Variants in ZNF292 observed in about 807,000 individuals in gnomAD.
The protein encoded by ZNF292 is zinc finger protein 292, also known as 16 zinc-finger domain protein.
ZNF292 carries 26 observed loss-of-function variants against 217.9 expected under a neutral mutation model. The ratio of observed to expected loss-of-function variants is 0.12; its 90% CI spans 0.09 to 0.17. ZNF292 has a LOEUF of 0.17. ZNF292 is among the 10% of genes least tolerant of loss of function. The pLI, the probability that ZNF292 is intolerant of heterozygous loss-of-function variation, is 1.00. For missense variants in ZNF292, 2,904 were observed against 3,175.2 expected (o/e 0.91, Z 2.05); for synonymous variants, 1,257 against 1,124.1 (o/e 1.12, Z -2.37).
At position 87,257,279 on chromosome 6, in the gene ZNF292, C is replaced by A; in HGVS notation, c.3650C>A (p.Ser1217Tyr). 4 of 1,613,678 alleles carry A rather than the reference C, an allele frequency of 2.5e-6. No individual in the cohort carries two copies. The highest frequency in any genetic ancestry group is 3.4e-6 in the Non-Finnish European group (4 of 1,179,796). Residue 1217 changes from serine (S) to tyrosine (Y), a missense_variant, in exon 8 of 8, where the codon TCT becomes TAT. Transcript: ENST00000369577. ...MESVINPNIT[S>Y]QDKNEQGGML... is the part of the protein sequence containing the mutation. ...AGTGTCATAAATCCAAATATAACTT[C>A]TCAGGATAAAAATGAACAAGGTGGT...
intron 1 of ZNF292, among the ~76,000 whole-genome samples, chr6:87,167,581 C>T (rs373603804): frequency 1.3e-5 from 2 of 152,156 alleles, no homozygotes; most frequent in Admixed American, 6.5e-5. Context: ...GTGGAGGTTG[C>T]GGTGAGCCAA....
chr6:87,194,833 G>A (rs912793709), intron 1 of ZNF292, among the ~76,000 whole-genome samples: 8 of 151,814 alleles, frequency 5.3e-5, no homozygotes, highest in African/African-American at 1.5e-4. Flanking sequence ...CAATATATGC[G>A]AAAAATCCTT....
intron 1 of ZNF292, among the ~76,000 whole-genome samples, chr6:87,177,587 T>C (rs1349479059): frequency 2.0e-5 from 3 of 152,222 alleles, no homozygotes. Flanking sequence ...TCACTAAGAT[T>C]ATTAGTTATC....
At chr6:87,226,344 A>C (rs1562154367) in intron 4 of ZNF292, among the ~76,000 whole-genome samples, 1 of 152,208 alleles carries the variant, frequency 6.6e-6, no homozygotes, top group Middle Eastern at 3.4e-3. Context: ...TTAAAGTGAA[A>C]ATGGAAAAAT....
Position 87,260,133 on chromosome 6 carries a change from T to A in ZNF292, c.6504T>A (p.Thr2168=). 6.2e-7 allele frequency: 1 copy of A among 1,613,326 alleles called. No individual in the cohort carries two copies. Among genetic ancestry groups the A allele is most frequent in the Non-Finnish European group, 8.5e-7 (1 of 1,179,506 alleles). ...KESEETETKQ[T]LKEFRCQVSD... is the part of the protein sequence containing the mutation. ...GTGAAGAAACTGAAACTAAACAAAC[T>A]TTGAAAGAATTTCGATGTCAGGTAA... Residue 2168 remains threonine, a synonymous_variant, in exon 8 of 8, where the codon ACT becomes ACA. Coordinates refer to ENST00000369577, the MANE Select transcript of ZNF292 (RefSeq NM_015021.3).
intron 1 of ZNF292, among the ~76,000 whole-genome samples, chr6:87,183,551 C>A (rs1286692080): frequency 6.6e-6 from 1 of 152,002 alleles, no homozygotes; most frequent in East Asian, 1.9e-4. Context: ...ATTGAAATTC[C>A]ATTAATTCTG....
chr6:87,191,519 G>A (rs961963511), intron 1 of ZNF292, among the ~76,000 whole-genome samples: 1 of 152,088 alleles, frequency 6.6e-6, no homozygotes, highest in African/African-American at 2.4e-5. Context: ...TTGTTTTCTG[G>A]AACCAGAATT....
intron 1 of ZNF292, among the ~76,000 whole-genome samples, chr6:87,177,251 T>A (rs9362404): frequency 1.3e-5 from 2 of 150,508 alleles, no homozygotes; most frequent in African/African-American, 4.9e-5. Context: ...CACTTGAACC[T>A]GGGAGGCGGA....
chr6:87,157,518 A>T (rs944114739), intron 1 of ZNF292, among the ~76,000 whole-genome samples: 2 of 152,194 alleles, frequency 1.3e-5, no homozygotes, highest in Admixed American at 6.5e-5. Flanking sequence ...TTTTCCCCTA[A>T]TAGTGTCCAC....
intron 1 of ZNF292, among the ~76,000 whole-genome samples, chr6:87,166,887 G>A (rs912230579): frequency 6.6e-6 from 1 of 152,092 alleles, no homozygotes; most frequent in African/African-American, 2.4e-5. Flanking sequence ...ATTTCTTTGA[G>A]ATTTTTTTCT....
chr6:87,245,706 T>C, intron 7 of ZNF292, 62 bp downstream of exon 7: 1 of 1,084,124 alleles, frequency 9.2e-7, no homozygotes, highest in East Asian at 2.9e-5. Flanking sequence ...TAAAAGACTA[T>C]AACTTTTATG....
chr6:87,249,936 C>T (rs1774817514), intron 7 of ZNF292, among the ~76,000 whole-genome samples: 1 of 151,246 alleles, frequency 6.6e-6, no homozygotes, highest in African/African-American at 2.4e-5. Flanking sequence ...TCTCGAACTC[C>T]TGACCTCAGA....
chr6:87,255,250 A>G lies in ZNF292; in HGVS notation c.1621A>G (p.Met541Val), dbSNP rs1377883626. 2.5e-6 allele frequency: 4 copies of G among 1,613,912 alleles called. No individual in the cohort carries two copies. Among genetic ancestry groups the G allele is most frequent in the South Asian group, 1.1e-5 (1 of 91,078 alleles). ...TCGGTTTAGGAATTGGCAAGCCTAC[A>G]TGCAGTATTGTGTGTTGTGTGACAA... The part of the protein sequence containing the change: ...SARFRNWQAY[M>V]QYCVLCDKEF... Residue 541 changes from methionine to valine, a missense_variant, in exon 8 of 8, where the codon ATG becomes GTG. By Grantham distance (21) the Met-to-Val change is conservative. Around this residue, in one of 15 missense-constraint regions of ZNF292, gnomAD observed 87 missense variants for 99.6 expected, o/e 0.87. Transcript: ENST00000369577.
intron 5 of ZNF292, among the ~76,000 whole-genome samples, chr6:87,241,607 A>T (rs1466767956): frequency 6.6e-6 from 1 of 152,028 alleles, no homozygotes; most frequent in African/African-American, 2.4e-5. Flanking sequence ...TTTAGTAGAG[A>T]TGGGATTTCA....
In ZNF292 at chr6:87,260,223, A is replaced by G; in HGVS notation, c.6594A>G (p.Glu2198=). The G allele has an allele frequency of 6.2e-7, 1 of 1,613,662 alleles. No homozygotes were observed. Among genetic ancestry groups the G allele is most frequent in the Non-Finnish European group, 8.5e-7 (1 of 1,179,632 alleles). Residue 2198 remains glutamate (E), a synonymous_variant, in exon 8 of 8, where the codon GAA becomes GAG. Coordinates refer to ENST00000369577, the MANE Select transcript of ZNF292 (RefSeq NM_015021.3). The part of the protein sequence containing the change: ...GLIQHYMKLH[E]MTPEEIESMT... ...TACAACACTACATGAAACTTCATGA[A>G]ATGACTCCTGAAGAAATTGAAAGTA...
Position 87,261,624 on chromosome 6 carries a change from T to A in ZNF292, c.7995T>A (p.Asn2665Lys). 1 of 1,611,308 alleles carries A rather than the reference T, an allele frequency of 6.2e-7. No homozygotes were observed. Among genetic ancestry groups the A allele is most frequent in the South Asian group, 1.1e-5 (1 of 90,798 alleles). The change falls in exon 8 of 8, where the codon AAT becomes AAA. Residue 2665 changes from asparagine (N) to lysine (K), a missense_variant. Asn to Lys is a moderately conservative substitution (Grantham distance 94). Around this residue, in one of 15 missense-constraint regions of ZNF292, gnomAD observed 380 missense variants for 355.3 expected, o/e 1.07. Transcript: ENST00000369577. ...ANPSQLQCSD[N>K]VKIVLDKNLK... ...CATCACAGCTTCAGTGCAGTGATAA[T>A]GTAAAAATTGTTTTAGACAAGAATC...
intron 1 of ZNF292, among the ~76,000 whole-genome samples, chr6:87,213,457 T>C (rs1345699598): frequency 1.3e-5 from 2 of 152,214 alleles, no homozygotes; most frequent in African/African-American, 4.8e-5. Context: ...TGCTGTGTCA[T>C]TCCTGTATTG....
chr6:87,180,756 T>G (rs977091172), intron 1 of ZNF292, among the ~76,000 whole-genome samples: 5 of 152,228 alleles, frequency 3.3e-5, no homozygotes, highest in Admixed American at 1.3e-4. Context: ...ACCCTAGTTA[T>G]GGGGAGTGGG....
At position 87,256,540 on chromosome 6, in the gene ZNF292, C is replaced by T. The variant is rs757035901; in HGVS notation, c.2911C>T (p.His971Tyr). ...GSGEALVTDL[H>Y]TPVEDTCNDL... ...TGGTGAAGCACTGGTCACAGACTTA[C>T]ATACGCCAGTTGAAGATACTTGTAA... The change falls in exon 8 of 8, where the codon CAT becomes TAT. Residue 971 changes from histidine (H) to tyrosine (Y), a missense_variant. Transcript: ENST00000369577. The T allele has an allele frequency of 4.3e-5, 69 of 1,613,396 alleles. No homozygotes were observed. The South Asian group carries it at 5.6e-4, about 13-fold the overall frequency.
Sources: gnomAD v4.1 joint callset for allele counts (sites outside exome capture counted in the v4.1 genomes callset) on GRCh38, gnomAD v4.1.1 for gene constraint, gnomAD v4.1.1 regional missense constraint, MANE v1.5 for transcripts, NCBI Gene and HGNC (gene_info 2026-07-23, HGNC 2026-07-21) for gene names.